The following LRP6 variants were observed in gnomAD, a reference collection of about 807,000 sequenced individuals.
LRP6 encodes the protein LDL receptor related protein 6, also known as low-density lipoprotein receptor-related protein 6.
Under a neutral mutation model 184.1 loss-of-function variants are expected in LRP6, and 43 were observed. The ratio of observed to expected loss-of-function variants is 0.23; its 90% CI spans 0.18 to 0.30. The LOEUF (loss-of-function observed/expected upper bound fraction) is 0.30. Among genes scored for constraint, LRP6 ranks in the 10% least tolerant of loss-of-function variants. LRP6 has a pLI of 1.00. For missense variants in LRP6, 1,571 were observed against 2,005.3 expected (o/e 0.78, Z 4.14); for synonymous variants, 719 against 684.9 (o/e 1.05, Z -0.78).
chr12:12,148,014 A>G (rs1164404339), intron 14 of LRP6, among the ~76,000 whole-genome samples: 1 of 140,682 alleles, frequency 7.1e-6, no homozygotes, highest in Non-Finnish European at 1.5e-5. Flanking sequence ...ATAAATATAT[A>G]TGTGTATATA....
chr12:12,232,586 C>CAAAAAA (rs34155963), intron 2 of LRP6, among the ~76,000 whole-genome samples: 2 of 115,724 alleles, frequency 1.7e-5, no homozygotes, highest in Admixed American at 8.3e-5. Flanking sequence ...CCAGCAGGTG[C>CAAAAAA]AAAAAAAAAA....
chr12:12,258,755 A>C lies in LRP6; in HGVS notation c.55+7926T>G, dbSNP rs1298503928. Among the ~76,000 whole-genome samples, 11 of 152,248 alleles carry C rather than the reference A, an allele frequency of 7.2e-5. No homozygotes were observed. The East Asian group carries it at 2.1e-3, about 29-fold the overall frequency. Reference sequence around the variant, plus strand: ...GCAAAACATAGTATCTTTAAACTGGATATATGGATATACAGTACTTAAATT... The same window carrying C: ...GCAAAACATAGTATCTTTAAACTGGCTATATGGATATACAGTACTTAAATT... On this transcript the variant is annotated intron_variant, in intron 1 of 22. Transcript: ENST00000261349.
chr12:12,183,847 A>C, intron 5 of LRP6, 133 bp downstream of exon 5: 1 of 742,876 alleles, frequency 1.3e-6, no homozygotes, highest in Non-Finnish European at 2.4e-6. Flanking sequence ...TTCTATAACC[A>C]TGTGTGAAGA....
At chr12:12,213,832 T>G (rs183103770) in intron 2 of LRP6, among the ~76,000 whole-genome samples, 1 of 152,166 alleles carries the variant, frequency 6.6e-6, no homozygotes, top group Non-Finnish European at 1.5e-5. Context: ...ACACCAATAA[T>G]GTCTCATAGA....
intron 2 of LRP6, among the ~76,000 whole-genome samples, chr12:12,210,688 C>A (rs1306719901): frequency 6.6e-6 from 1 of 152,220 alleles, no homozygotes; most frequent in East Asian, 1.9e-4. Flanking sequence ...TAAAAAGCCA[C>A]AGGTCCTCAA....
chr12:12,150,742 A>C, intron 13 of LRP6, 94 bp downstream of exon 13: 1 of 1,326,106 alleles, frequency 7.5e-7, no homozygotes. Flanking sequence ...ATACACACAC[A>C]CTTAAGCAGA....
chr12:12,127,614 G>A (rs1949690658), intron 19 of LRP6, among the ~76,000 whole-genome samples: 2 of 150,896 alleles, frequency 1.3e-5, no homozygotes, highest in Middle Eastern at 3.4e-3. Context: ...ACCACCCCAG[G>A]GATTCACCTT....
At chr12:12,167,531 T>C (rs1009353758) in intron 7 of LRP6, among the ~76,000 whole-genome samples, 6 of 151,906 alleles carry the variant, frequency 3.9e-5, no homozygotes, top group African/African-American at 1.5e-4. Context: ...TAGTCCCAGC[T>C]ACTCGGGAGG....
At chr12:12,127,076 C>T (rs1193210515) in intron 19 of LRP6, among the ~76,000 whole-genome samples, 155 bp from the exon 20 acceptor site, 1 of 152,064 alleles carries the variant, frequency 6.6e-6, no homozygotes, top group Non-Finnish European at 1.5e-5. Context: ...ATACATACCA[C>T]GCCCTGAAGA....
At chr12:12,200,055 T>G (rs947309586) in intron 3 of LRP6, among the ~76,000 whole-genome samples, 1 of 149,468 alleles carries the variant, frequency 6.7e-6, no homozygotes, top group African/African-American at 2.5e-5. Flanking sequence ...TGTACATCAG[T>G]AGATGTGGTG....
At position 12,263,693 on chromosome 12, in the gene LRP6, G is replaced by A. The variant is rs149672424; in HGVS notation, c.55+2988C>T. ...CTCTGGCTCTATAAAAATTAGCCAA[G>A]TGTTATGGCACACAACTGTGGTCCC... On this transcript the variant is annotated intron_variant, in intron 1 of 22. Coordinates refer to ENST00000261349, the MANE Select transcript of LRP6 (RefSeq NM_002336.3). Among the ~76,000 whole-genome samples the A allele has an allele frequency of 2.4e-3, 359 of 151,998 alleles. 2 individuals carry two copies. Among genetic ancestry groups the A allele is most frequent in the African/African-American group, 8.1e-3 (336 of 41,456 alleles).
chr12:12,180,151 A>G (rs1469931609), intron 6 of LRP6, among the ~76,000 whole-genome samples, 170 bp from the exon 7 acceptor site: 2 of 150,668 alleles, frequency 1.3e-5, no homozygotes, highest in African/African-American at 4.9e-5. Flanking sequence ...TATCCCAGCA[A>G]TATATAAGAT....
intron 5 of LRP6, among the ~76,000 whole-genome samples, chr12:12,183,038 G>C (rs1863379991): frequency 6.6e-6 from 1 of 152,190 alleles, no homozygotes; most frequent in Non-Finnish European, 1.5e-5. Context: ...ATTGCTGTCT[G>C]CCATGGAAAC....
chr12:12,147,957 C>T (rs1488525528), intron 14 of LRP6, among the ~76,000 whole-genome samples: 1 of 150,992 alleles, frequency 6.6e-6, no homozygotes, highest in Non-Finnish European at 1.5e-5. Context: ...CCTGGGTGAT[C>T]GAGCCAAACC....
chr12:12,149,970 C>A (rs1359405525), intron 13 of LRP6, among the ~76,000 whole-genome samples: 1 of 152,068 alleles, frequency 6.6e-6, no homozygotes, highest in Non-Finnish European at 1.5e-5. Context: ...TATTACTATA[C>A]CCTAAATGAT....
chr12:12,153,169 T>C (rs1173050125), intron 12 of LRP6, among the ~76,000 whole-genome samples: 3 of 152,186 alleles, frequency 2.0e-5, no homozygotes, highest in Non-Finnish European at 4.4e-5. Context: ...ACTACTTTCT[T>C]AGTAAAGCAA....
At chr12:12,252,051 G>A (rs919043214) in intron 1 of LRP6, among the ~76,000 whole-genome samples, 3 of 151,996 alleles carry the variant, frequency 2.0e-5, no homozygotes, top group Non-Finnish European at 1.5e-5. Context: ...GAAATCTTTC[G>A]CCCAGCTAAT....
intron 18 of LRP6, 145 bp from the exon 19 acceptor site, chr12:12,131,038 ATTGG>A (rs1241120413): frequency 3.4e-6 from 2 of 584,066 alleles, no homozygotes. Flanking sequence ...CTGGAGTTCC[ATTGG>A]TTGAGAGAGA....
chr12:12,147,302 A>T, intron 15 of LRP6, 64 bp downstream of exon 15: 1 of 1,558,904 alleles, frequency 6.4e-7, no homozygotes, highest in Non-Finnish European at 8.8e-7. Flanking sequence ...GATGCAAGAA[A>T]AACACAATAG....
Sources: gnomAD v4.1 joint callset for allele counts (sites outside exome capture counted in the v4.1 genomes callset) on GRCh38, gnomAD v4.1.1 for gene constraint, MANE v1.5 for transcripts, NCBI Gene and HGNC (gene_info 2026-07-23, HGNC 2026-07-21) for gene names.